Variants in LRP12 observed in about 807,000 individuals in gnomAD.
LRP12 encodes low-density lipoprotein receptor-related protein 12.
In LRP12, 14 loss-of-function variants were observed where a neutral mutation model predicts 66.0. The observed-to-expected ratio is 0.21, with a 90% CI of 0.14 to 0.33. The LOEUF (loss-of-function observed/expected upper bound fraction) is 0.33, where lower values mean the gene tolerates loss of function less well. Ranked by LOEUF, LRP12 falls within the 10% of genes least tolerant of loss-of-function variation. The probability of loss-of-function intolerance (pLI) is 1.00; values close to 1 mark genes in which losing one functional copy is unlikely to be tolerated. For synonymous variants in LRP12, 357 were observed against 359.1 expected, an observed-to-expected ratio of 0.99 and a Z score of 0.07; for missense variants, 889 against 1,053.4, an observed-to-expected ratio of 0.84 and a Z score of 2.16.
intron 1 of LRP12, among the ~76,000 whole-genome samples, chr8:104,536,099 A>C (rs1188314101): frequency 6.6e-6 from 1 of 152,028 alleles, no homozygotes; most frequent in African/African-American, 2.4e-5. Context: ...ATTGTACTTA[A>C]GGGAAAAGTT....
chr8:104,548,154 TAATA>T (rs1482132336), intron 1 of LRP12, among the ~76,000 whole-genome samples: 1 of 72,480 alleles, frequency 1.4e-5, no homozygotes, highest in Non-Finnish European at 2.2e-5. Context: ...TATTATATAT[TAATA>T]ATTATTATAT....
intron 2 of LRP12, among the ~76,000 whole-genome samples, chr8:104,521,969 TA>T (rs1228428878): frequency 2.6e-5 from 4 of 151,970 alleles, no homozygotes; most frequent in East Asian, 3.9e-4. Context: ...TTTCTATATT[TA>T]AAAAATAATT....
chr8:104,548,247 ATATAT>A (rs1286618180), intron 1 of LRP12, among the ~76,000 whole-genome samples: 2 of 101,568 alleles, frequency 2.0e-5, no homozygotes, highest in East Asian at 2.5e-4. Flanking sequence ...AATATACGAT[ATATAT>A]TATATTAATA....
Position 104,497,494 on chromosome 8 carries a change from T to G in LRP12, c.1058A>C (p.His353Pro), listed in dbSNP as rs754111251. 1 of 1,614,122 alleles carries G rather than the reference T, an allele frequency of 6.2e-7. No individual in the cohort carries two copies. Among genetic ancestry groups the G allele is most frequent in the South Asian group, 1.1e-5 (1 of 91,084 alleles). ...AGCATTCACTTTATCAGCACAAAAA[T>G]GTACCCTTATCTGTCCAGAAGAAGA... Reference protein sequence around the residue: ...VVSSSGQIRVHFCADKVNAAR... With the variant: ...VVSSSGQIRVPFCADKVNAAR... Residue 353 changes from histidine to proline, a missense_variant, in exon 5 of 7, where the codon CAT becomes CCT. His to Pro is a moderately conservative substitution (Grantham distance 77, BLOSUM62 -2). This residue lies in a region of LRP12 where 800 missense variants were observed against 964.5 expected (regional missense o/e 0.83). Coordinates refer to ENST00000276654, the MANE Select transcript of LRP12 (RefSeq NM_013437.5). The surrounding 1 kb of genome is among the most constrained non-coding windows in gnomAD (Gnocchi z 4.3).
At chr8:104,580,163 T>G (rs896541605) in intron 1 of LRP12, among the ~76,000 whole-genome samples, 1 of 151,862 alleles carries the variant, frequency 6.6e-6, no homozygotes, top group Non-Finnish European at 1.5e-5. Flanking sequence ...TGGGAGAAAA[T>G]TTTTGCAAAC....
Position 104,490,883 on chromosome 8 carries a change from G to C in LRP12, c.2370C>G (p.Asp790Glu), listed in dbSNP as rs2140824814. Residue 790 changes from aspartate (D) to glutamate (E), a missense_variant, in exon 7 of 7, where the codon GAC becomes GAG. Physicochemically the swap from Asp to Glu is conservative, Grantham distance 45 (BLOSUM62 2). Coordinates refer to ENST00000276654, the MANE Select transcript of LRP12 (RefSeq NM_013437.5). ...SDGSSDFDVN[D>E]CSRPLLDLAS... ...CAAGATCAAGAAGAGGTCTGGAGCA[G>C]TCATTCACATCAAAGTCTGAAGATC... is the stretch of plus-strand genomic sequence containing the variant. 6.2e-7 allele frequency: 1 copy of C among 1,614,120 alleles called. No homozygotes were observed. Among genetic ancestry groups the C allele is most frequent in the Non-Finnish European group, 8.5e-7 (1 of 1,180,006 alleles).
At chr8:104,568,846 C>A (rs1032784939) in intron 1 of LRP12, among the ~76,000 whole-genome samples, 1 of 152,118 alleles carries the variant, frequency 6.6e-6, no homozygotes, top group Admixed American at 6.5e-5. Flanking sequence ...AATAGTGCTG[C>A]CCTTTGGAAA....
chr8:104,576,164 T>TG (rs1161046423), intron 1 of LRP12, among the ~76,000 whole-genome samples: 2 of 152,116 alleles, frequency 1.3e-5, no homozygotes, highest in African/African-American at 2.4e-5. Context: ...CTGAAAGAGA[T>TG]GGGGAAAATG....
At chr8:104,565,784 T>C (rs1354979000) in intron 1 of LRP12, among the ~76,000 whole-genome samples, 1 of 149,166 alleles carries the variant, frequency 6.7e-6, no homozygotes, top group Non-Finnish European at 1.5e-5. Flanking sequence ...TGGCGTGAAC[T>C]CGGGAGGCAG....
chr8:104,521,523 C>T (rs990704108), intron 2 of LRP12, among the ~76,000 whole-genome samples: 3 of 151,172 alleles, frequency 2.0e-5, no homozygotes, highest in Non-Finnish European at 3.0e-5. Context: ...AAAGGGAGTT[C>T]GCTACTTTAA....
At chr8:104,509,735 CTAAGG>C (rs1420452758) in intron 2 of LRP12, among the ~76,000 whole-genome samples, 1 of 152,088 alleles carries the variant, frequency 6.6e-6, no homozygotes, top group Non-Finnish European at 1.5e-5. Flanking sequence ...TGTCTGAGCT[CTAAGG>C]TAAGAATGAA....
At position 104,499,354 on chromosome 8, in the gene LRP12, G is replaced by A; in HGVS notation, c.438C>T (p.Asn146=). The change falls in exon 4 of 7, where the codon AAC becomes AAT. Residue 146 remains asparagine (N), a synonymous_variant. Coordinates refer to ENST00000276654, the MANE Select transcript of LRP12 (RefSeq NM_013437.5). Reference sequence around the variant, plus strand: ...CCAGTCTGAAACCCTTTCTAGAGATGTTGTCATCCGAATGAAACCTAATCC... The same window carrying A: ...CCAGTCTGAAACCCTTTCTAGAGATATTGTCATCCGAATGAAACCTAATCC... ...HIWIRFHSDD[N]ISRKGFRLAY... 2 of 1,613,516 alleles carry A rather than the reference G, an allele frequency of 1.2e-6. No homozygotes were observed. Among genetic ancestry groups the A allele is most frequent in the Non-Finnish European group, 1.7e-6 (2 of 1,179,764 alleles).
chr8:104,548,340 T>TATATA (rs1564142208), intron 1 of LRP12, among the ~76,000 whole-genome samples: 1 of 674 alleles, frequency 1.5e-3, no homozygotes, highest in East Asian at 6.4e-3. Context: ...ATTATATAAA[T>TATATA]ATATAAATAT....
chr8:104,537,355 C>A (rs1247631504), intron 1 of LRP12, among the ~76,000 whole-genome samples: 1 of 152,074 alleles, frequency 6.6e-6, no homozygotes, highest in Non-Finnish European at 1.5e-5. Flanking sequence ...GCATCACGGT[C>A]CTAGTCTTAG....
intron 2 of LRP12, among the ~76,000 whole-genome samples, chr8:104,514,137 C>A (rs762645042): frequency 7.9e-5 from 12 of 152,126 alleles, no homozygotes; most frequent in Non-Finnish European, 1.3e-4. Flanking sequence ...GAAATTGAGC[C>A]TGCCTTCACC....
rs1811758839 is a variant in LRP12, at chr8:104,553,529, G to A, written c.80-21566C>T. 2.0e-5 allele frequency among the ~76,000 whole-genome samples: 3 copies of A among 152,034 alleles called. No homozygotes were observed. In the East Asian group the frequency reaches 5.8e-4, roughly 30 times the overall value. The stretch of plus-strand genomic sequence containing the variant: ...GCAGAGGCAGCCATAATCCTCCTGG[G>A]TACGTAACTCCATTGGCTTGAGAAC... On this transcript the variant is annotated intron_variant, in intron 1 of 6. Coordinates refer to ENST00000276654, the MANE Select transcript of LRP12 (RefSeq NM_013437.5).
chr8:104,520,213 T>C (rs1811126780), intron 2 of LRP12, among the ~76,000 whole-genome samples: 1 of 152,040 alleles, frequency 6.6e-6, no homozygotes. Context: ...TAACGTAAGA[T>C]GAATAGAGAA....
intron 1 of LRP12, among the ~76,000 whole-genome samples, chr8:104,572,395 A>G (rs1429975808): frequency 6.6e-6 from 1 of 152,226 alleles, no homozygotes; most frequent in Admixed American, 6.5e-5. Flanking sequence ...AAAGAGAGTC[A>G]GTTTTACTGT....
chr8:104,547,932 A>T (rs1320399949), intron 1 of LRP12, among the ~76,000 whole-genome samples: 9 of 128,366 alleles, frequency 7.0e-5, no homozygotes, highest in Non-Finnish European at 1.1e-4. Flanking sequence ...ATAATATACA[A>T]TTCAATGTTA....
Sources: gnomAD v4.1 joint callset for allele counts (sites outside exome capture counted in the v4.1 genomes callset) on GRCh38, gnomAD v4.1.1 for gene constraint, gnomAD v4.1.1 regional missense constraint, Gnocchi (gnomAD v3.1) non-coding constraint, MANE v1.5 for transcripts, NCBI Gene and HGNC (gene_info 2026-07-23, HGNC 2026-07-21) for gene names.